The following CSMD1 variants were observed in gnomAD, a reference collection of about 807,000 sequenced individuals.
CSMD1 encodes the protein CUB and Sushi multiple domains 1, also known as CUB and sushi domain-containing protein 1.
Under a neutral mutation model 417.5 loss-of-function variants are expected in CSMD1, and 213 were observed. That is an observed-to-expected ratio of 0.51 (90% CI 0.46 to 0.57). CSMD1 has a LOEUF of 0.57. Ranked by LOEUF, CSMD1 falls within the 20% of genes least tolerant of loss-of-function variation. CSMD1 has a pLI of 0.00. For synonymous variants in CSMD1, 2,862 were observed against 1,736.8 expected (o/e 1.65, Z -16.11); for missense variants, 6,923 against 4,529.7 (o/e 1.53, Z -15.17).
chr8:4,247,048 A>T (rs963831155), intron 3 of CSMD1, among the ~76,000 whole-genome samples: 7 of 152,318 alleles, frequency 4.6e-5, no homozygotes, highest in African/African-American at 1.7e-4. Flanking sequence ...ACCTTAAAAT[A>T]TAAAGTGAAG....
chr8:4,933,194 CT>C (rs1306213341), intron 1 of CSMD1, among the ~76,000 whole-genome samples: 1 of 151,796 alleles, frequency 6.6e-6, no homozygotes, highest in African/African-American at 2.4e-5. Flanking sequence ...TCCTTGCTCC[CT>C]CCCTCTCTTC....
At chr8:4,346,857 C>T (rs1170478342) in intron 3 of CSMD1, among the ~76,000 whole-genome samples, 1 of 152,184 alleles carries the variant, frequency 6.6e-6, no homozygotes, top group African/African-American at 2.4e-5. Context: ...AGGCCATCTC[C>T]ACCTCTCTCA....
chr8:3,550,968 T>C (rs1296401966), intron 10 of CSMD1, among the ~76,000 whole-genome samples: 1 of 151,212 alleles, frequency 6.6e-6, no homozygotes. Flanking sequence ...ACTACTCAAC[T>C]TGAAGTGAAC....
intron 52 of CSMD1, among the ~76,000 whole-genome samples, chr8:3,008,754 T>G (rs1233979656): frequency 6.6e-6 from 1 of 152,194 alleles, no homozygotes; most frequent in Admixed American, 6.5e-5. Context: ...AACACTTGCT[T>G]TTGCTACTGA....
intron 3 of CSMD1, among the ~76,000 whole-genome samples, chr8:4,079,013 T>A (rs1799984318): frequency 6.7e-6 from 1 of 150,374 alleles, no homozygotes; most frequent in Admixed American, 6.6e-5. Context: ...ATGTCACCCA[T>A]CTGATTTGTT....
chr8:4,632,113 T>G (rs77792665), intron 2 of CSMD1, among the ~76,000 whole-genome samples: 1 of 152,212 alleles, frequency 6.6e-6, no homozygotes, highest in East Asian at 1.9e-4. Context: ...CATGGGATGG[T>G]TGACTCACAT....
At chr8:3,946,258 A>G (rs892531310) in intron 5 of CSMD1, among the ~76,000 whole-genome samples, 3 of 152,172 alleles carry the variant, frequency 2.0e-5, no homozygotes, top group South Asian at 2.1e-4. Flanking sequence ...TGTAATTTCC[A>G]TATTAGAGAA....
intron 3 of CSMD1, among the ~76,000 whole-genome samples, chr8:4,331,322 G>T (rs1435284630): frequency 6.6e-6 from 1 of 152,130 alleles, no homozygotes; most frequent in Non-Finnish European, 1.5e-5. Context: ...GGGTGCAAAC[G>T]CAGTTTTGAG....
intron 3 of CSMD1, among the ~76,000 whole-genome samples, chr8:4,109,417 C>T (rs1801736538): frequency 1.3e-5 from 2 of 152,094 alleles, no homozygotes; most frequent in Middle Eastern, 3.2e-3. Context: ...ATCTTAATCA[C>T]GGTGAAAGTT....
chr8:4,911,258 C>T (rs1016124080), intron 1 of CSMD1, among the ~76,000 whole-genome samples: 2 of 152,214 alleles, frequency 1.3e-5, no homozygotes, highest in African/African-American at 2.4e-5. Context: ...CCTTTGTCCA[C>T]CAGTCGTAAT....
intron 38 of CSMD1, 32 bp from the exon 39 acceptor site, chr8:3,157,998 T>C (rs1243075969): frequency 2.7e-6 from 4 of 1,493,258 alleles, no homozygotes; most frequent in Non-Finnish European, 2.7e-6. Flanking sequence ...AAAATACATA[T>C]AACTAAAAAC....
intron 7 of CSMD1, among the ~76,000 whole-genome samples, chr8:3,686,783 C>T (rs60258623): frequency 6.6e-6 from 1 of 152,198 alleles, no homozygotes; most frequent in South Asian, 2.1e-4. Flanking sequence ...CTGGTTGTAA[C>T]TGTTTCTTTG....
chr8:3,270,498 T>C (rs1247257593), intron 26 of CSMD1, among the ~76,000 whole-genome samples: 1 of 152,236 alleles, frequency 6.6e-6, no homozygotes. Flanking sequence ...TTGAACTTCA[T>C]AAAACTATTC....
At chr8:4,593,229 C>A (rs1800077638) in intron 2 of CSMD1, among the ~76,000 whole-genome samples, 1 of 152,152 alleles carries the variant, frequency 6.6e-6, no homozygotes, top group African/African-American at 2.4e-5. Flanking sequence ...TGCTGAAAAG[C>A]AAGGTTAATG....
chr8:3,130,740 C>A (rs1585426021), intron 41 of CSMD1, among the ~76,000 whole-genome samples: 1 of 152,078 alleles, frequency 6.6e-6, no homozygotes, highest in Non-Finnish European at 1.5e-5. Flanking sequence ...GAGTGGCAGA[C>A]CCCAGGCCCC....
intron 3 of CSMD1, among the ~76,000 whole-genome samples, chr8:4,174,528 T>A (rs1483864087): frequency 6.6e-6 from 1 of 151,136 alleles, no homozygotes; most frequent in African/African-American, 2.4e-5. Context: ...GACCCCCATG[T>A]CCACCCACCT....
intron 2 of CSMD1, among the ~76,000 whole-genome samples, chr8:4,613,090 C>G (rs940940422): frequency 6.6e-6 from 1 of 152,080 alleles, no homozygotes; most frequent in African/African-American, 2.4e-5. Context: ...CTAGGCTTGT[C>G]TTATAGCTGA....
At position 3,411,829 on chromosome 8, in the gene CSMD1, T is replaced by C. The variant is rs1364494544; in HGVS notation, c.1562-2224A>G. On this transcript the variant is annotated intron_variant, in intron 12 of 69. Coordinates refer to ENST00000635120, the MANE Select transcript of CSMD1 (RefSeq NM_033225.6). ...ACACGTATATATACGTGTATATGTA[T>C]ATATGCACGTATATATGCACGTATA... Among the ~76,000 whole-genome samples the C allele has an allele frequency of 4.3e-5, 4 of 93,332 alleles. 1 individual carries two copies. Among genetic ancestry groups the C allele is most frequent in the African/African-American group, 1.5e-4 (4 of 26,258 alleles). 61.2% of individuals were successfully genotyped at this position (93,332 alleles called of 152,430 possible). A position where few individuals can be genotyped will look rare whatever the true frequency, so the allele number is the denominator to read the frequency against.
intron 5 of CSMD1, among the ~76,000 whole-genome samples, chr8:3,808,490 G>C (rs6988308): frequency 0.42 from 64,418 of 151,980 alleles, 13,925 homozygotes; most frequent in African/African-American, 0.49. Flanking sequence ...TATGTTTTCT[G>C]CCTTATGAAG....
Sources: gnomAD v4.1 joint callset for allele counts (sites outside exome capture counted in the v4.1 genomes callset) on GRCh38, gnomAD v4.1.1 for gene constraint, MANE v1.5 for transcripts, NCBI Gene and HGNC (gene_info 2026-07-23, HGNC 2026-07-21) for gene names.